Variants in TIAM2 observed in about 807,000 individuals in gnomAD.
The protein encoded by TIAM2 is rho guanine nucleotide exchange factor TIAM2.
A neutral mutation model predicts 152.9 loss-of-function variants in TIAM2; 80 were observed. That is an observed-to-expected ratio of 0.52 (90% CI 0.44 to 0.63). TIAM2 has a LOEUF of 0.63. Among genes scored for constraint, TIAM2 ranks in the 30% least tolerant of loss-of-function variants. TIAM2 has a pLI of 0.00. For missense variants in TIAM2, 1,965 were observed against 2,120.1 expected (o/e 0.93, Z 1.44); for synonymous variants, 804 against 838.0 (o/e 0.96, Z 0.70).
intron 1 of TIAM2, among the ~76,000 whole-genome samples, chr6:155,048,341 C>T (rs1777247806): frequency 6.6e-6 from 1 of 152,126 alleles, no homozygotes; most frequent in South Asian, 2.1e-4. Context: ...AATCCTCCCA[C>T]CTTGGCCTCC....
At chr6:155,044,913 T>C (rs1367017368) in intron 1 of TIAM2, among the ~76,000 whole-genome samples, 4 of 152,228 alleles carry the variant, frequency 2.6e-5, no homozygotes. Context: ...TTTTCAGTGT[T>C]ATCTTTCAGA....
At chr6:155,107,261 A>AT (rs1349065384) in intron 2 of TIAM2, among the ~76,000 whole-genome samples, 23 of 152,310 alleles carry the variant, frequency 1.5e-4, no homozygotes, top group Middle Eastern at 3.4e-3. Context: ...CCGGCAATAT[A>AT]TAAGTGCTGA....
intron 15 of TIAM2, among the ~76,000 whole-genome samples, chr6:155,216,361 A>G (rs1781861671): frequency 1.3e-5 from 2 of 152,180 alleles, no homozygotes; most frequent in Non-Finnish European, 2.9e-5. Flanking sequence ...TATTTTACTA[A>G]CAACTATTCT....
intron 14 of TIAM2, among the ~76,000 whole-genome samples, chr6:155,187,565 C>T (rs1359739337): frequency 8.8e-6 from 1 of 114,180 alleles, no homozygotes; most frequent in African/African-American, 3.4e-5. Flanking sequence ...CCTCCCCCAC[C>T]CCGCCCCCTT....
In TIAM2 at chr6:155,170,161, T is replaced by A. The variant is rs538630594; in HGVS notation, c.2361+4752T>A. On this transcript the variant is annotated intron_variant, in intron 9 of 26. Coordinates refer to ENST00000682666, the MANE Select transcript of TIAM2 (RefSeq NM_012454.4). ...CCATCTCTTACTGTTAGCCACTCTG[T>A]CAAGTGCGTATGTCATGGCTCCCAG... Among the ~76,000 whole-genome samples, 294 of 152,320 alleles carry A rather than the reference T, an allele frequency of 1.9e-3. 1 individual carries two copies. Among genetic ancestry groups the A allele is most frequent in the African/African-American group, 6.8e-3 (281 of 41,574 alleles).
chr6:155,191,382 T>G (rs1368345797), intron 14 of TIAM2, among the ~76,000 whole-genome samples: 1 of 152,206 alleles, frequency 6.6e-6, no homozygotes, highest in Non-Finnish European at 1.5e-5. Flanking sequence ...CATGTAAGTG[T>G]GTGTTGAATA....
At chr6:155,079,016 G>A (rs1778009276) in intron 1 of TIAM2, among the ~76,000 whole-genome samples, 1 of 151,640 alleles carries the variant, frequency 6.6e-6, no homozygotes, top group South Asian at 2.1e-4. Flanking sequence ...TGTAAACCAA[G>A]GATAGTTTCT....
At chr6:155,148,364 C>T in intron 7 of TIAM2, 30 bp downstream of exon 7, 1 of 1,589,914 alleles carries the variant, frequency 6.3e-7, no homozygotes, top group Non-Finnish European at 8.6e-7. Flanking sequence ...GAGTTTTCTT[C>T]CATTGCTCAT....
At chr6:155,067,477 A>G (rs1456231804) in intron 1 of TIAM2, among the ~76,000 whole-genome samples, 1 of 152,094 alleles carries the variant, frequency 6.6e-6, no homozygotes, top group East Asian at 1.9e-4. Context: ...TGTCTCCAAG[A>G]AATCTGGAAA....
At chr6:155,231,474 T>G (rs1782473258) in intron 15 of TIAM2, among the ~76,000 whole-genome samples, 1 of 152,258 alleles carries the variant, frequency 6.6e-6, no homozygotes, top group Non-Finnish European at 1.5e-5. Flanking sequence ...TCCTCAACTT[T>G]AAATGTCTCT....
chr6:155,005,109 C>T, intron 1 of TIAM2: 1 of 259,988 alleles, frequency 3.8e-6, no homozygotes, highest in Admixed American at 4.0e-5. Context: ...TCAGGTTGCC[C>T]AAGGCAAGGC....
Position 155,182,303 on chromosome 6 carries a change from C to T in TIAM2, c.2785C>T (p.Leu929=). 6.2e-7 allele frequency: 1 copy of T among 1,614,164 alleles called. No homozygotes were observed. The highest frequency in any genetic ancestry group is 2.2e-5 in the East Asian group (1 of 44,886). The change falls in exon 13 of 27, where the codon CTG becomes TTG. Residue 929 remains leucine, a synonymous_variant. Coordinates refer to ENST00000682666, the MANE Select transcript of TIAM2 (RefSeq NM_012454.4). ...TATAAGCGACGTTCTTCCCGATGGCCTGGCGTATGGGGAAGGTCCGTGTGG... is the reference window on the plus strand; with the variant it reads ...TATAAGCGACGTTCTTCCCGATGGCTTGGCGTATGGGGAAGGTCCGTGTGG... The part of the protein sequence containing the change: ...IFISDVLPDG[L]AYGEGLRKGN...
At chr6:155,067,358 C>T (rs79682349) in intron 1 of TIAM2, among the ~76,000 whole-genome samples, 1,950 of 152,308 alleles carry the variant, frequency 0.013, 41 homozygotes, top group African/African-American at 0.044. Context: ...TTACCACCTT[C>T]AGCCTTTTAT....
At chr6:154,999,920 G>A (rs1033356678) in intron 1 of TIAM2, among the ~76,000 whole-genome samples, 2 of 150,722 alleles carry the variant, frequency 1.3e-5, no homozygotes, top group Non-Finnish European at 3.0e-5. Context: ...CTTGTGATCC[G>A]CCCGCCTCGG....
intron 14 of TIAM2, among the ~76,000 whole-genome samples, chr6:155,196,392 C>G (rs911100799): frequency 6.6e-6 from 1 of 152,094 alleles, no homozygotes; most frequent in African/African-American, 2.4e-5. Flanking sequence ...AATGAAAACT[C>G]ATCTATAAAA....
chr6:155,110,615 G>A (rs1778817316), intron 2 of TIAM2, among the ~76,000 whole-genome samples: 1 of 152,044 alleles, frequency 6.6e-6, no homozygotes, highest in South Asian at 2.1e-4. Flanking sequence ...TCTTAGATTG[G>A]TTTTCTTTGG....
chr6:155,088,690 C>T (rs1351558418), intron 1 of TIAM2, among the ~76,000 whole-genome samples: 1 of 152,216 alleles, frequency 6.6e-6, no homozygotes, highest in Non-Finnish European at 1.5e-5. Flanking sequence ...TCCCCTTGCT[C>T]TAAGGCAAGC....
At chr6:155,015,944 CAAAA>C (rs3081689) in intron 1 of TIAM2, among the ~76,000 whole-genome samples, 4 of 61,762 alleles carry the variant, frequency 6.5e-5, no homozygotes, top group African/African-American at 1.3e-4. Context: ...TTCAAAAAAC[CAAAA>C]AAAAAAAAAA....
At chr6:155,134,166 T>C (rs1378580371) in intron 4 of TIAM2, among the ~76,000 whole-genome samples, 1 of 152,122 alleles carries the variant, frequency 6.6e-6, no homozygotes, top group Non-Finnish European at 1.5e-5. Flanking sequence ...TGTGTGTATA[T>C]ATATATATAT....
Sources: allele counts gnomAD v4.1 joint callset (sites outside exome capture counted in the v4.1 genomes callset), GRCh38; gene constraint gnomAD v4.1.1; transcripts MANE v1.5; gene names NCBI Gene and HGNC (gene_info 2026-07-23, HGNC 2026-07-21).